Variants in RAP1GAP2 observed in about 807,000 individuals in gnomAD.
The protein encoded by RAP1GAP2 is RAP1 GTPase activating protein 2.
Under a neutral mutation model 95.0 loss-of-function variants are expected in RAP1GAP2, and 27 were observed. The ratio of observed to expected loss-of-function variants is 0.28; its 90% CI spans 0.21 to 0.39. RAP1GAP2 has a LOEUF of 0.39. RAP1GAP2 is among the 10% of genes least tolerant of loss of function. The probability of loss-of-function intolerance (pLI) is 1.00; values close to 1 mark genes in which losing one functional copy is unlikely to be tolerated. For missense variants in RAP1GAP2, 771 were observed against 970.0 expected (o/e 0.79, Z 2.72); for synonymous variants, 373 against 380.9 (o/e 0.98, Z 0.24).
chr17:2,951,928 G>T (rs180895190), intron 3 of RAP1GAP2, among the ~76,000 whole-genome samples: 1 of 152,224 alleles, frequency 6.6e-6, no homozygotes, highest in African/African-American at 2.4e-5. Context: ...CAGGTACTTG[G>T]GAGGCTGAGG....
intron 3 of RAP1GAP2, among the ~76,000 whole-genome samples, chr17:2,942,945 T>G (rs1165695891): frequency 6.6e-6 from 1 of 151,944 alleles, no homozygotes; most frequent in Non-Finnish European, 1.5e-5. Flanking sequence ...ATTTTTGTAT[T>G]TTTAGTAGAG....
At chr17:2,799,152 G>C (rs2069180139) in intron 1 of RAP1GAP2, among the ~76,000 whole-genome samples, 1 of 152,234 alleles carries the variant, frequency 6.6e-6, no homozygotes. Flanking sequence ...CGTTACAGCA[G>C]AGTGTGGGGC....
At position 2,906,119 on chromosome 17, in the gene RAP1GAP2, C is replaced by A. The variant is rs904018250; in HGVS notation, c.165+751C>A. Among the ~76,000 whole-genome samples the A allele has an allele frequency of 2.0e-5, 3 of 152,040 alleles. No individual in the cohort carries two copies. Among genetic ancestry groups the A allele is most frequent in the Non-Finnish European group, 4.4e-5 (3 of 67,996 alleles). ...CCTCCCTGCCTCCCTCCTTCCTTCA[C>A]ACTCTGTGGAGTGAGTGAGGACTAG... On this transcript the variant is annotated intron_variant, in intron 3 of 24. Transcript: ENST00000254695. This position sits in a 1 kb window ranked among gnomAD's most constrained non-coding sequence, Gnocchi z 4.3.
intron 8 of RAP1GAP2, among the ~76,000 whole-genome samples, chr17:2,966,510 A>AT (rs201729707): frequency 6.6e-6 from 1 of 151,606 alleles, no homozygotes; most frequent in Non-Finnish European, 1.5e-5. Flanking sequence ...GAGCAATCAC[A>AT]TTTTTTTTTC....
chr17:3,015,297 C>T (rs2046720185), intron 17 of RAP1GAP2, among the ~76,000 whole-genome samples: 1 of 152,100 alleles, frequency 6.6e-6, no homozygotes, highest in Admixed American at 6.5e-5. Context: ...GTGGGCTACA[C>T]ACCTCACTGT....
intron 17 of RAP1GAP2, among the ~76,000 whole-genome samples, chr17:3,010,223 C>T (rs1239331933): frequency 1.3e-5 from 2 of 151,396 alleles, no homozygotes; most frequent in Non-Finnish European, 2.9e-5. Flanking sequence ...GCCTGTAATC[C>T]CAGCTACTCA....
intron 2 of RAP1GAP2, among the ~76,000 whole-genome samples, chr17:2,771,049 AAAACAAAC>A (rs146760366): frequency 6.6e-6 from 1 of 151,942 alleles, no homozygotes; most frequent in African/African-American, 2.4e-5. Flanking sequence ...TCTGTTTCAA[AAAACAAAC>A]AAACAAACAA....
chr17:2,923,398 C>A (rs1425572734), intron 3 of RAP1GAP2, among the ~76,000 whole-genome samples: 1 of 150,418 alleles, frequency 6.6e-6, no homozygotes, highest in Non-Finnish European at 1.5e-5. Context: ...GTGGTGCAAT[C>A]TTGGCTCACT....
At position 2,807,271 on chromosome 17, in the gene RAP1GAP2, G is replaced by T. The variant is rs117620539; in HGVS notation, c.80+6721G>T. 4.6e-5 allele frequency among the ~76,000 whole-genome samples: 7 copies of T among 152,252 alleles called. No individual in the cohort carries two copies. In the East Asian group the frequency reaches 1.2e-3, roughly 25 times the overall value. ...CTACCAATTCATTCCCCCACCTTTG[G>T]CCACTGGGTCTTTGTTTACTGTAGA... On this transcript the variant is annotated intron_variant, in intron 2 of 24. Coordinates refer to ENST00000254695, the MANE Select transcript of RAP1GAP2 (RefSeq NM_015085.5).
At chr17:2,883,267 A>C (rs1479382920) in intron 2 of RAP1GAP2, among the ~76,000 whole-genome samples, 1 of 152,206 alleles carries the variant, frequency 6.6e-6, no homozygotes. Context: ...GAGCTCCCCA[A>C]GGCTGGTGTG....
At chr17:2,941,172 C>T (rs979680467) in intron 3 of RAP1GAP2, among the ~76,000 whole-genome samples, 2 of 152,166 alleles carry the variant, frequency 1.3e-5, no homozygotes, top group Admixed American at 6.5e-5. Context: ...GAGGCCGAAG[C>T]GGGTGGATCA....
chr17:2,808,798 T>A (rs2069630243), intron 2 of RAP1GAP2, among the ~76,000 whole-genome samples: 1 of 152,112 alleles, frequency 6.6e-6, no homozygotes, highest in Non-Finnish European at 1.5e-5. Flanking sequence ...TTGGCATGTG[T>A]GGGGGCATGT....
intron 17 of RAP1GAP2, among the ~76,000 whole-genome samples, chr17:3,011,419 C>G (rs188864451): frequency 6.6e-6 from 1 of 152,156 alleles, no homozygotes; most frequent in Non-Finnish European, 1.5e-5. Context: ...GCCTGTGTGT[C>G]TGGCCCAGCT....
intron 2 of RAP1GAP2, among the ~76,000 whole-genome samples, chr17:2,850,124 C>T (rs1050270422): frequency 6.6e-6 from 1 of 151,344 alleles, no homozygotes; most frequent in Non-Finnish European, 1.5e-5. Context: ...CCTCAGCCTC[C>T]CGAGTAGCTG....
At chr17:2,926,712 A>T (rs1260916794) in intron 3 of RAP1GAP2, among the ~76,000 whole-genome samples, 4 of 152,098 alleles carry the variant, frequency 2.6e-5, no homozygotes, top group African/African-American at 9.7e-5. Context: ...TCAAATCAAG[A>T]TATTGCCAGG....
rs1011373542 is a variant in RAP1GAP2, at chr17:2,963,153, G to A, written c.247-277G>A. 36 of 560,782 alleles carry A rather than the reference G, an allele frequency of 6.4e-5. No individual in the cohort carries two copies. Among genetic ancestry groups the A allele is most frequent in the African/African-American group, 6.3e-4 (33 of 52,428 alleles). The allele number at this position is 560,782 out of a possible 1,614,324, so 34.7% of individuals were successfully genotyped here. On this transcript the variant is annotated intron_variant, in intron 5 of 24. Transcript: ENST00000254695. This position sits in a 1 kb window ranked among gnomAD's most constrained non-coding sequence, Gnocchi z 4.8. ...CTAGGGGTCATTTTCCGGAATGAGCGTTCTAGGATGAGAAGCTGGTATCAC... is the reference window on the plus strand; with the variant it reads ...CTAGGGGTCATTTTCCGGAATGAGCATTCTAGGATGAGAAGCTGGTATCAC...
intron 2 of RAP1GAP2, among the ~76,000 whole-genome samples, chr17:2,872,309 C>A (rs1457082296): frequency 6.8e-6 from 1 of 147,344 alleles, no homozygotes; most frequent in Non-Finnish European, 1.5e-5. Context: ...CAAAGAGTTT[C>A]TTTGGGAATA....
rs2047349903 is a variant in RAP1GAP2 at position 3,032,341 on chromosome 17, C to T, written c.2185-70C>T. 6 of 1,592,768 alleles carry T rather than the reference C, an allele frequency of 3.8e-6. No homozygotes were observed. In the East Asian group the frequency reaches 1.1e-4, roughly 30 times the overall value. ...ACCAGACTGTTGAGAGCTGAGTGCA[C>T]AGAGCCGCCGTGGAAGGGACCTGTG... On this transcript the variant is annotated intron_variant, in intron 23 of 24. Coordinates refer to ENST00000254695, the MANE Select transcript of RAP1GAP2 (RefSeq NM_015085.5).
intron 2 of RAP1GAP2, among the ~76,000 whole-genome samples, chr17:2,841,311 T>TC (rs1403158631): frequency 6.7e-6 from 1 of 148,240 alleles, no homozygotes; most frequent in East Asian, 2.0e-4. Flanking sequence ...GAATTTTTTT[T>TC]TTTTTTTTTT....
Sources: gnomAD v4.1 joint callset for allele counts (sites outside exome capture counted in the v4.1 genomes callset) on GRCh38, gnomAD v4.1.1 for gene constraint, Gnocchi (gnomAD v3.1) non-coding constraint, MANE v1.5 for transcripts, NCBI Gene and HGNC (gene_info 2026-07-23, HGNC 2026-07-21) for gene names.